The following LRRC4C variants were observed in gnomAD, a reference collection of about 807,000 sequenced individuals.
The protein encoded by LRRC4C is leucine-rich repeat-containing protein 4C.
LRRC4C carries 5 observed loss-of-function variants against 33.6 expected under a neutral mutation model. The observed-to-expected ratio is 0.15, with a 90% confidence interval of 0.08 to 0.31. The LOEUF (loss-of-function observed/expected upper bound fraction) is 0.31. Ranked by LOEUF, LRRC4C falls within the 10% of genes least tolerant of loss-of-function variation. The pLI, the probability that LRRC4C is intolerant of heterozygous loss-of-function variation, is 1.00. For synonymous variants in LRRC4C, 329 were observed against 302.0 expected (o/e 1.09, Z -0.93); for missense variants, 560 against 796.7 (o/e 0.70, Z 3.58).
chr11:40,404,823 C>T (rs1167948276), intron 3 of LRRC4C, among the ~76,000 whole-genome samples: 1 of 151,868 alleles, frequency 6.6e-6, no homozygotes, highest in African/African-American at 2.4e-5. Context: ...TTTAATAAAA[C>T]AAATGTTATC....
At chr11:40,927,170 T>C (rs926633893) in intron 2 of LRRC4C, among the ~76,000 whole-genome samples, 2 of 152,042 alleles carry the variant, frequency 1.3e-5, no homozygotes, top group African/African-American at 4.8e-5. Flanking sequence ...GGTCAGGAGT[T>C]CGAGACCAGC....
At chr11:40,408,976 C>T (rs7119543) in intron 3 of LRRC4C, among the ~76,000 whole-genome samples, 2,546 of 151,902 alleles carry the variant, frequency 0.017, 65 homozygotes, top group African/African-American at 0.058. Flanking sequence ...TAAAGTGAAG[C>T]TGAAAGCATC....
intron 2 of LRRC4C, among the ~76,000 whole-genome samples, chr11:40,912,394 A>C (rs1453265055): frequency 6.6e-6 from 1 of 152,228 alleles, no homozygotes; most frequent in Non-Finnish European, 1.5e-5. Flanking sequence ...CCAATATTCA[A>C]CATTCTTAAA....
At chr11:40,453,626 A>AAAAAAC (rs1485572174) in intron 3 of LRRC4C, among the ~76,000 whole-genome samples, 4 of 151,830 alleles carry the variant, frequency 2.6e-5, no homozygotes, top group Non-Finnish European at 5.9e-5. Context: ...AGAAAAAAAA[A>AAAAAAC]ACAACTACGG....
intron 3 of LRRC4C, among the ~76,000 whole-genome samples, chr11:40,508,344 A>C (rs998955796): frequency 6.6e-6 from 1 of 152,202 alleles, no homozygotes; most frequent in Admixed American, 6.5e-5. Flanking sequence ...AAAAAATCAT[A>C]TAAAACACAA....
In LRRC4C at chr11:40,952,892, ACACACT is replaced by A. The variant is rs1220260768; in HGVS notation, c.-495-19175_-495-19170del. 7.9e-3 allele frequency among the ~76,000 whole-genome samples: 390 copies of A among 49,618 alleles called. 1 individual carries two copies. Among genetic ancestry groups the A allele is most frequent in the South Asian group, 0.012 (13 of 1,090 alleles). The allele number at this position is 49,618 out of a possible 152,430, so 32.6% of individuals were successfully genotyped here. A position where few individuals can be genotyped will look rare whatever the true frequency, so the allele number is the denominator to read the frequency against. ...CACACACACACACACACACACACAC[ACACACT>A]CTCTCTCTCTCTCTCTCTCTCTCTC... On this transcript the variant is annotated intron_variant, in intron 1 of 6. Coordinates refer to ENST00000528697, the MANE Select transcript of LRRC4C (RefSeq NM_001258419.2).
chr11:40,153,287 C>T (rs1038249289), intron 5 of LRRC4C, among the ~76,000 whole-genome samples: 3 of 152,148 alleles, frequency 2.0e-5, no homozygotes, highest in African/African-American at 7.2e-5. Context: ...AGAATCTGAA[C>T]AACAGCCTTC....
At chr11:40,393,725 C>CACAAACAGATA (rs1446631608) in intron 3 of LRRC4C, among the ~76,000 whole-genome samples, 2 of 152,126 alleles carry the variant, frequency 1.3e-5, no homozygotes, top group African/African-American at 4.8e-5. Context: ...ATGCAATGGT[C>CACAAACAGATA]CTTTAATGAA....
rs189329120 is a variant in LRRC4C, at chr11:40,662,425, A to G, written c.-406-14147T>C. ...ACAGTAGTTATAGCTGCTCTCAGGAAGACACAATGAGAAAAGACAACCTTG... is the reference window on the plus strand; with the variant it reads ...ACAGTAGTTATAGCTGCTCTCAGGAGGACACAATGAGAAAAGACAACCTTG... On this transcript the variant is annotated intron_variant, in intron 2 of 6. Coordinates refer to ENST00000528697, the MANE Select transcript of LRRC4C (RefSeq NM_001258419.2). 1.4e-3 allele frequency among the ~76,000 whole-genome samples: 211 copies of G among 152,322 alleles called. No homozygotes were observed. In the Middle Eastern group the frequency reaches 0.024, roughly 17 times the overall value.
rs191929878 is a variant in LRRC4C, at chr11:41,096,854, A to T, written c.-495-163131T>A. ...AGAGCCACTGAAAGATTTTATCTAC[A>T]GGACTGTTGTACTCCCACTAGTGTG... On this transcript the variant is annotated intron_variant, in intron 1 of 6. Coordinates refer to ENST00000528697, the MANE Select transcript of LRRC4C (RefSeq NM_001258419.2). 3.9e-5 allele frequency among the ~76,000 whole-genome samples: 6 copies of T among 152,312 alleles called. No individual in the cohort carries two copies. The East Asian group carries it at 1.2e-3, about 29-fold the overall frequency.
chr11:41,300,540 GTCGTGTCAA>G (rs1434280391), intron 1 of LRRC4C, among the ~76,000 whole-genome samples: 1 of 152,176 alleles, frequency 6.6e-6, no homozygotes, highest in East Asian at 1.9e-4. Context: ...ATGTGGGAAT[GTCGTGTCAA>G]TCTTTATGAA....
chr11:40,595,312 T>C (rs1046340098), intron 3 of LRRC4C, among the ~76,000 whole-genome samples: 1 of 152,098 alleles, frequency 6.6e-6, no homozygotes, highest in African/African-American at 2.4e-5. Context: ...AAAGACTGAC[T>C]TGAAATAATA....
rs540407122 is a variant in LRRC4C, at chr11:41,169,942, T to C, written c.-495-236219A>G. On this transcript the variant is annotated intron_variant, in intron 1 of 6. Coordinates refer to ENST00000528697, the MANE Select transcript of LRRC4C (RefSeq NM_001258419.2). ...CATGGCTAAAATGTTAGAAGACATT[T>C]TTGTTTTACTTAAATATGAGATGAT... Among the ~76,000 whole-genome samples, 18 of 152,274 alleles carry C rather than the reference T, an allele frequency of 1.2e-4. No individual in the cohort carries two copies. The South Asian group carries it at 3.1e-3, about 26-fold the overall frequency.
intron 1 of LRRC4C, among the ~76,000 whole-genome samples, chr11:41,319,100 T>A (rs1330756574): frequency 2.0e-5 from 3 of 152,196 alleles, no homozygotes; most frequent in Non-Finnish European, 4.4e-5. Context: ...TTGAGGCCGC[T>A]TGTCTGACAG....
chr11:40,715,490 A>G (rs1220886905), intron 2 of LRRC4C, among the ~76,000 whole-genome samples: 1 of 152,238 alleles, frequency 6.6e-6, no homozygotes, highest in Non-Finnish European at 1.5e-5. Context: ...GGTATTATCT[A>G]GAAATATTGA....
chr11:41,220,226 C>T (rs1329018332), intron 1 of LRRC4C, among the ~76,000 whole-genome samples: 2 of 152,144 alleles, frequency 1.3e-5, no homozygotes, highest in African/African-American at 4.8e-5. Context: ...CATGTACTAA[C>T]TCACTGATTG....
chr11:40,431,740 T>G (rs1048521621), intron 3 of LRRC4C, among the ~76,000 whole-genome samples: 1 of 152,196 alleles, frequency 6.6e-6, no homozygotes, highest in Non-Finnish European at 1.5e-5. Flanking sequence ...ACCAGATCTA[T>G]TATCCCCATT....
rs186794811 is a variant in LRRC4C, at chr11:40,641,118, T to C, written c.-270+7024A>G. Reference sequence around the variant, plus strand: ...TCTTCAGTTAATATAGACTATTGTTTATATTGAGTACTATATAGCACTCTG... The same window carrying C: ...TCTTCAGTTAATATAGACTATTGTTCATATTGAGTACTATATAGCACTCTG... On this transcript the variant is annotated intron_variant, in intron 3 of 6. Transcript: ENST00000528697. Among the ~76,000 whole-genome samples, 16 of 152,268 alleles carry C rather than the reference T, an allele frequency of 1.1e-4. No individual in the cohort carries two copies. The East Asian group carries it at 3.1e-3, about 29-fold the overall frequency.
At chr11:40,236,682 A>C (rs1016440089) in intron 5 of LRRC4C, among the ~76,000 whole-genome samples, 2 of 152,144 alleles carry the variant, frequency 1.3e-5, no homozygotes, top group African/African-American at 4.8e-5. Context: ...TATGGAAGCC[A>C]CATGTTGGAA....
Sources: allele counts gnomAD v4.1 joint callset (sites outside exome capture counted in the v4.1 genomes callset), GRCh38; gene constraint gnomAD v4.1.1; transcripts MANE v1.5; gene names NCBI Gene and HGNC (gene_info 2026-07-23, HGNC 2026-07-21).